PRKCE: variants seen among roughly 807,000 people sequenced by gnomAD.
PRKCE encodes protein kinase C epsilon.
In PRKCE, 16 loss-of-function variants were observed where a neutral mutation model predicts 85.4. The observed-to-expected ratio is 0.19, with a 90% CI of 0.13 to 0.28. PRKCE has a LOEUF of 0.28. PRKCE is among the 10% of genes least tolerant of loss of function. PRKCE has a pLI of 1.00. For missense variants in PRKCE, 573 were observed against 975.2 expected (o/e 0.59, Z 5.49); for synonymous variants, 388 against 371.5 (o/e 1.04, Z -0.51).
intron 2 of PRKCE, among the ~76,000 whole-genome samples, chr2:45,947,759 G>A (rs956716518): frequency 3.9e-5 from 6 of 152,144 alleles, no homozygotes; most frequent in Non-Finnish European, 7.3e-5. Flanking sequence ...ACTTCTTGTG[G>A]TGATGGTTGT....
chr2:45,870,937 G>A (rs1219528961), intron 2 of PRKCE, among the ~76,000 whole-genome samples: 1 of 152,216 alleles, frequency 6.6e-6, no homozygotes, highest in Non-Finnish European at 1.5e-5. Flanking sequence ...CGGGGGGAAT[G>A]GGCTCCCCAG....
intron 10 of PRKCE, among the ~76,000 whole-genome samples, chr2:46,021,420 CAA>C (rs771447059): frequency 3.3e-5 from 5 of 152,190 alleles, no homozygotes; most frequent in Non-Finnish European, 5.9e-5. Flanking sequence ...CAGGCTATTT[CAA>C]TAGGCCAGGA....
At chr2:46,047,883 C>T (rs1428833439) in intron 10 of PRKCE, among the ~76,000 whole-genome samples, 1 of 152,108 alleles carries the variant, frequency 6.6e-6, no homozygotes, top group African/African-American at 2.4e-5. Flanking sequence ...CTGTCAAGTA[C>T]CAGAAAATCC....
chr2:45,869,939 C>T (rs543201888), intron 2 of PRKCE, among the ~76,000 whole-genome samples: 7 of 152,222 alleles, frequency 4.6e-5, no homozygotes, highest in Non-Finnish European at 5.9e-5. Flanking sequence ...AACTCCTGAC[C>T]TCCTGGTCTG....
intron 2 of PRKCE, among the ~76,000 whole-genome samples, chr2:45,850,895 T>C (rs1171877796): frequency 6.6e-6 from 1 of 152,208 alleles, no homozygotes; most frequent in Non-Finnish European, 1.5e-5. Context: ...ATCTAATATA[T>C]ACGAGGCCCT....
Position 45,696,552 on chromosome 2 carries a change from C to T in PRKCE, c.348+44104C>T, listed in dbSNP as rs534449651. On this transcript the variant is annotated intron_variant, in intron 1 of 14. Transcript: ENST00000306156. ...TTTGGGTTTGGTGTTGGCCTCCCCA[C>T]AGGGCTGTGTGGTGGGTGAAGCTGC... 3.9e-5 allele frequency among the ~76,000 whole-genome samples: 6 copies of T among 152,232 alleles called. No homozygotes were observed. The East Asian group carries it at 9.7e-4, about 25-fold the overall frequency.
chr2:46,005,771 C>T (rs61758285), intron 8 of PRKCE, among the ~76,000 whole-genome samples: 1 of 152,308 alleles, frequency 6.6e-6, no homozygotes, highest in African/African-American at 2.4e-5. Flanking sequence ...CGTGCTACTC[C>T]AATTAACTTT....
intron 11 of PRKCE, among the ~76,000 whole-genome samples, chr2:46,106,545 C>G (rs1212829234): frequency 2.0e-5 from 3 of 152,210 alleles, no homozygotes; most frequent in African/African-American, 7.2e-5. Flanking sequence ...TGTTCAAGAT[C>G]AAGGTACCAG....
chr2:45,781,291 C>T (rs747673350), intron 1 of PRKCE, among the ~76,000 whole-genome samples: 4 of 152,116 alleles, frequency 2.6e-5, no homozygotes, highest in Admixed American at 6.6e-5. Context: ...GAGCCGTGAT[C>T]GCACCATTGC....
intron 14 of PRKCE, among the ~76,000 whole-genome samples, chr2:46,176,976 C>T (rs903070245): frequency 6.6e-5 from 10 of 152,142 alleles, no homozygotes; most frequent in Non-Finnish European, 1.2e-4. Flanking sequence ...CCTCAGAAAG[C>T]TAGGTATGTC....
chr2:45,659,683 C>A (rs1012524172), intron 1 of PRKCE, among the ~76,000 whole-genome samples: 2 of 152,154 alleles, frequency 1.3e-5, no homozygotes, highest in African/African-American at 4.8e-5. Context: ...TCAGTCTTTA[C>A]CCTTGCCATC....
intron 11 of PRKCE, among the ~76,000 whole-genome samples, chr2:46,143,532 G>A (rs1172239575): frequency 2.0e-5 from 3 of 152,116 alleles, no homozygotes; most frequent in Non-Finnish European, 2.9e-5. Context: ...ACAAGCAGGA[G>A]CGTGTCATTC....
intron 2 of PRKCE, among the ~76,000 whole-genome samples, chr2:45,955,203 A>T (rs1400158917): frequency 6.6e-6 from 1 of 152,238 alleles, no homozygotes; most frequent in Non-Finnish European, 1.5e-5. Context: ...GACTGCCCTG[A>T]TATCGAAAGG....
At chr2:46,087,123 T>G (rs575031815) in intron 11 of PRKCE, among the ~76,000 whole-genome samples, 13 of 151,152 alleles carry the variant, frequency 8.6e-5, no homozygotes, top group Admixed American at 4.0e-4. Context: ...GGTCTTTGCT[T>G]CTTCTTTTTT....
intron 14 of PRKCE, among the ~76,000 whole-genome samples, chr2:46,161,433 G>A (rs1039730472): frequency 1.4e-4 from 22 of 152,234 alleles, no homozygotes; most frequent in African/African-American, 4.6e-4. Context: ...GGATGAGACT[G>A]AAGCTGAGGG....
chr2:45,740,808 A>G (rs1239482756), intron 1 of PRKCE, among the ~76,000 whole-genome samples: 2 of 152,224 alleles, frequency 1.3e-5, no homozygotes, highest in African/African-American at 4.8e-5. Flanking sequence ...TTCATCTCAG[A>G]CCACAGTTGT....
intron 11 of PRKCE, among the ~76,000 whole-genome samples, chr2:46,089,357 A>G (rs1033032986): frequency 6.6e-6 from 1 of 152,084 alleles, no homozygotes; most frequent in Non-Finnish European, 1.5e-5. Context: ...TCTCCCCATC[A>G]ATGTTGGACC....
At chr2:46,072,076 C>G (rs545604889) in intron 10 of PRKCE, among the ~76,000 whole-genome samples, 1 of 152,310 alleles carries the variant, frequency 6.6e-6, no homozygotes, top group African/African-American at 2.4e-5. Context: ...TTTATCTCAC[C>G]ACACTGCTCA....
chr2:46,015,567 G>A (rs575792244), intron 10 of PRKCE, among the ~76,000 whole-genome samples: 3 of 152,078 alleles, frequency 2.0e-5, no homozygotes, highest in East Asian at 1.9e-4. Flanking sequence ...AACGGGAGAC[G>A]TTTTTCAAAT....
Sources: gnomAD v4.1 joint callset for allele counts (sites outside exome capture counted in the v4.1 genomes callset) on GRCh38, gnomAD v4.1.1 for gene constraint, MANE v1.5 for transcripts, NCBI Gene and HGNC (gene_info 2026-07-23, HGNC 2026-07-21) for gene names.